The following GPM6B variants were observed in gnomAD, a reference collection of about 807,000 sequenced individuals.
The protein encoded by GPM6B is neuronal membrane glycoprotein M6-b.
In GPM6B, 4 loss-of-function variants were observed where a neutral mutation model predicts 27.2. The ratio of observed to expected loss-of-function variants is 0.15; its 90% CI spans 0.07 to 0.34. The LOEUF is 0.34. Ranked by LOEUF, GPM6B falls within the 10% of genes least tolerant of loss-of-function variation. The pLI is 1.00. For missense variants in GPM6B, 183 were observed against 261.9 expected (o/e 0.70, Z 2.08); for synonymous variants, 124 against 103.1 (o/e 1.20, Z -1.23).
upstream of GPM6B, among the ~76,000 whole-genome samples, chrX:13,821,786 C>T (rs998459379): frequency 2.7e-5 from 3 of 110,153 alleles, no homozygotes; most frequent in Non-Finnish European, 5.7e-5. Context: ...GTAGAGACGG[C>T]GTTTCTCCAC....
intron 1 of GPM6B, among the ~76,000 whole-genome samples, chrX:13,920,162 G>A (rs1920952948): frequency 9.4e-6 from 1 of 106,855 alleles, no homozygotes; most frequent in Non-Finnish European, 1.9e-5. Context: ...AGCTACTCGG[G>A]AGGCTGAGGC....
At chrX:13,928,658 G>A (rs1921326385) in intron 1 of GPM6B, among the ~76,000 whole-genome samples, 1 of 112,809 alleles carries the variant, frequency 8.9e-6, no homozygotes, top group Admixed American at 9.4e-5. Flanking sequence ...TGAAGGAACA[G>A]ATGCCTGAAT....
Position 13,927,816 on chromosome X carries a change from G to A in GPM6B, c.-198+10511C>T, listed in dbSNP as rs189070771. 2.7e-5 allele frequency among the ~76,000 whole-genome samples: 3 copies of A among 112,043 alleles called. No homozygotes were observed. The East Asian group carries it at 8.4e-4, about 31-fold the overall frequency. On this transcript the variant is annotated intron_variant, in intron 1 of 6. Coordinates refer to the GPM6B transcript ENST00000398361. ...ACTTTCCATTTCTGAAGGGGATAAT[G>A]GGGACACTTTATTTTTGTAATCTCT...
chrX:13,894,489 G>A (rs16979349), intron 1 of GPM6B, among the ~76,000 whole-genome samples: 22,317 of 111,357 alleles, frequency 0.2, 1,757 homozygotes, highest in South Asian at 0.34. Context: ...GGTTTTTTCA[G>A]CCATGGATCT....
chrX:13,797,796 G>T (rs2048845109), intron 2 of GPM6B, among the ~76,000 whole-genome samples: 1 of 111,763 alleles, frequency 8.9e-6, no homozygotes, highest in Non-Finnish European at 1.9e-5. Flanking sequence ...GACATCTTCA[G>T]TAAAAGCAGG....
At chrX:13,931,720 C>T (rs1427383172) in intron 1 of GPM6B, among the ~76,000 whole-genome samples, 1 of 111,173 alleles carries the variant, frequency 9.0e-6, no homozygotes, top group Non-Finnish European at 1.9e-5. Flanking sequence ...TATATGTGTC[C>T]ATTTGTAATC....
At chrX:13,850,640 T>G (rs1420460737) in intron 1 of GPM6B, among the ~76,000 whole-genome samples, 3 of 112,016 alleles carry the variant, frequency 2.7e-5, no homozygotes, top group Non-Finnish European at 5.6e-5. Context: ...GAACCATACA[T>G]GTGAGTATGG....
At chrX:13,773,301 G>A (rs72614512) in intron 7 of GPM6B, 8,295 of 206,103 alleles carry the variant, frequency 0.04, 259 homozygotes, top group East Asian at 0.14. Context: ...AATGAAATAC[G>A]AGAGGGTGCT....
chrX:13,847,660 A>G (rs939893530), intron 1 of GPM6B, among the ~76,000 whole-genome samples: 4 of 112,193 alleles, frequency 3.6e-5, no homozygotes, highest in Non-Finnish European at 7.5e-5. Flanking sequence ...ATTGGAATTT[A>G]TAATAAAGCT....
At chrX:13,777,228 G>A in intron 6 of GPM6B, 124 bp downstream of exon 6, 1 of 519,208 alleles carries the variant, frequency 1.9e-6, no homozygotes, top group Non-Finnish European at 3.4e-6. Flanking sequence ...CTATCTTAAA[G>A]ATTCTAAACA....
At chrX:13,844,398 A>G (rs1477334012) in intron 1 of GPM6B, among the ~76,000 whole-genome samples, 1 of 112,320 alleles carries the variant, frequency 8.9e-6, no homozygotes, top group Non-Finnish European at 1.9e-5. Flanking sequence ...ACCTATTTTC[A>G]TATCTGACTG....
At chrX:13,881,316 C>A (rs915236428) in intron 1 of GPM6B, among the ~76,000 whole-genome samples, 1 of 111,927 alleles carries the variant, frequency 8.9e-6, no homozygotes, top group African/African-American at 3.3e-5. Flanking sequence ...TCGAGACCAG[C>A]CTGGGCAACA....
At chrX:13,879,234 A>G (rs1303693105) in intron 1 of GPM6B, among the ~76,000 whole-genome samples, 1 of 112,122 alleles carries the variant, frequency 8.9e-6, no homozygotes, top group Non-Finnish European at 1.9e-5. Flanking sequence ...TCTAAACTAA[A>G]AATCTGTCTG....
intron 2 of GPM6B, among the ~76,000 whole-genome samples, chrX:13,802,973 C>T (rs917190628): frequency 8.9e-6 from 1 of 111,840 alleles, no homozygotes; most frequent in Non-Finnish European, 1.9e-5. Flanking sequence ...GAATGGTACA[C>T]GCAGAAGGAT....
intron 1 of GPM6B, among the ~76,000 whole-genome samples, chrX:13,853,466 T>C (rs1157549553): frequency 9.3e-6 from 1 of 108,046 alleles, no homozygotes; most frequent in Non-Finnish European, 1.9e-5. Flanking sequence ...TAGCCAGACG[T>C]AGTGGTGCAT....
chrX:13,803,573 G>A (rs2048962391), intron 2 of GPM6B, among the ~76,000 whole-genome samples: 1 of 112,081 alleles, frequency 8.9e-6, no homozygotes, highest in Admixed American at 9.4e-5. Context: ...TTCCTTGTGA[G>A]ACTGAATTCT....
chrX:13,812,044 C>CT (rs752162419), intron 1 of GPM6B, among the ~76,000 whole-genome samples: 18,401 of 81,311 alleles, frequency 0.23, 2,447 homozygotes, highest in East Asian at 0.36. Flanking sequence ...CTTTTCTTTT[C>CT]TTTCTTTTTT....
At chrX:13,853,966 T>G (rs1400479756) in intron 1 of GPM6B, among the ~76,000 whole-genome samples, 2 of 112,177 alleles carry the variant, frequency 1.8e-5, no homozygotes, top group Admixed American at 9.4e-5. Flanking sequence ...AGGGCCAACC[T>G]TGCAAGCTGG....
At chrX:13,815,171 A>G (rs760890145) in intron 1 of GPM6B, among the ~76,000 whole-genome samples, 1 of 112,066 alleles carries the variant, frequency 8.9e-6, no homozygotes, top group South Asian at 3.7e-4. Context: ...GCTTCCTTTC[A>G]GAGAGAAATT....
Sources: gnomAD v4.1 joint callset for allele counts (sites outside exome capture counted in the v4.1 genomes callset) on GRCh38, gnomAD v4.1.1 for gene constraint, MANE v1.5 for transcripts, NCBI Gene and HGNC (gene_info 2026-07-23, HGNC 2026-07-21) for gene names.